SCAF11: variants seen among roughly 807,000 people sequenced by gnomAD.
SCAF11 encodes SR-related CTD associated factor 11, also known as protein SCAF11.
A neutral mutation model predicts 140.5 loss-of-function variants in SCAF11; 47 were observed. That is an observed-to-expected ratio of 0.33 (90% CI 0.26 to 0.43). The LOEUF (loss-of-function observed/expected upper bound fraction) is 0.43. Among genes scored for constraint, SCAF11 ranks in the 20% least tolerant of loss-of-function variants. The pLI is 1.00. For synonymous variants in SCAF11, 557 were observed against 579.4 expected (o/e 0.96, Z 0.55); for missense variants, 1,645 against 1,705.1 (o/e 0.96, Z 0.62).
chr12:45,960,825 C>T (rs1349203715), intron 3 of SCAF11: 1 of 152,068 alleles, frequency 6.6e-6, no homozygotes, highest in Non-Finnish European at 1.5e-5. Context: ...GCAATTAATT[C>T]CAACATATTT....
intron 2 of SCAF11, among the ~76,000 whole-genome samples, chr12:45,963,441 C>T (rs563126716): frequency 2.6e-5 from 4 of 151,522 alleles, no homozygotes; most frequent in Admixed American, 6.6e-5. Context: ...TGAGTAATAT[C>T]TTCAAAGTGC....
At chr12:45,961,453 G>A (rs1945826013) in intron 3 of SCAF11, 1 of 618,868 alleles carries the variant, frequency 1.6e-6, no homozygotes, top group East Asian at 2.8e-5. Context: ...AGTTTGATCT[G>A]TTCTTCCTAT....
At position 45,928,210 on chromosome 12, in the gene SCAF11, A is replaced by G. The variant is rs752553978; in HGVS notation, c.1491T>C (p.Asn497=). ...ACAAAACATTAGCCTCTATACCTGT[A>G]TTCTCGAGTTTTTTAACTTCCCCTT... ...GEEGEVKKLE[N]TGIEANVLCL... Residue 497 remains asparagine, a synonymous_variant, in exon 11 of 15, where the codon AAT becomes AAC. Transcript: ENST00000369367. 1.2e-6 allele frequency: 2 copies of G among 1,614,004 alleles called. No homozygotes were observed. The highest frequency in any genetic ancestry group is 8.5e-7 in the Non-Finnish European group (1 of 1,179,996).
intron 1 of SCAF11, among the ~76,000 whole-genome samples, chr12:45,971,035 C>T (rs560015152): frequency 6.6e-6 from 1 of 152,184 alleles, no homozygotes; most frequent in East Asian, 1.9e-4. Context: ...AAAGGCAAGC[C>T]AGAAATCGTC....
At chr12:45,990,720 CCT>C (rs1468233243), upstream of SCAF11, 1 of 599,514 alleles carries the variant, frequency 1.7e-6, no homozygotes, top group Non-Finnish European at 2.4e-6. Context: ...TCGCTCTGGC[CCT>C]GAGTGCATGT....
At chr12:45,970,836 A>G (rs1043914565) in intron 1 of SCAF11, among the ~76,000 whole-genome samples, 1 of 152,196 alleles carries the variant, frequency 6.6e-6, no homozygotes, top group African/African-American at 2.4e-5. Context: ...TCCTATATCA[A>G]TCCAGAAAGT....
At chr12:45,962,655 A>G (rs775788208) in intron 2 of SCAF11, among the ~76,000 whole-genome samples, 2 of 152,202 alleles carry the variant, frequency 1.3e-5, no homozygotes, top group Non-Finnish European at 2.9e-5. Flanking sequence ...AGTAATATCA[A>G]GCAAAGTTGG....
In SCAF11 at chr12:45,927,306, T is replaced by C. The variant is rs771017706; in HGVS notation, c.2395A>G (p.Thr799Ala). Residue 799 changes from threonine to alanine, a missense_variant, in exon 11 of 15, where the codon ACA becomes GCA. By Grantham distance (58) the Thr-to-Ala change is moderately conservative. This residue lies in a region of SCAF11 where 1,582 missense variants were observed against 1,609.2 expected (regional missense o/e 0.98). Coordinates refer to ENST00000369367, the MANE Select transcript of SCAF11 (RefSeq NM_004719.3). ...GTGTCTTTGTTGGGTGACCAAGTTG[T>C]AGATGGAGAATGAAATCTAGATCTT... is the stretch of plus-strand genomic sequence containing the variant. Reference protein sequence around the residue: ...TRRSRFHSPSTTWSPNKDTPQ... With the variant: ...TRRSRFHSPSATWSPNKDTPQ... The C allele has an allele frequency of 3.5e-5, 56 of 1,614,006 alleles. No individual in the cohort carries two copies. Among genetic ancestry groups the C allele is most frequent in the Non-Finnish European group, 4.7e-5 (55 of 1,180,014 alleles).
rs917016159 is a variant in SCAF11, at chr12:45,922,143, C to T, written c.4297G>A (p.Val1433Ile). Residue 1433 changes from valine (V) to isoleucine (I), a missense_variant, in exon 15 of 15, where the codon GTT (valine) becomes ATT (isoleucine). Physicochemically the swap from Val to Ile is conservative, Grantham distance 29 (BLOSUM62 3). Transcript: ENST00000369367. ...TTGTATTTGTCTACATAGGCTTTAA[C>T]CAGATTTGCCACTTTAGTAGAATTT... ...EVNSTKVANL[V>I]KAYVDKYKYS... is the part of the protein sequence containing the mutation. 2 of 1,613,226 alleles carry T rather than the reference C, an allele frequency of 1.2e-6. No individual in the cohort carries two copies. The highest frequency in any genetic ancestry group is 1.3e-5 in the African/African-American group (1 of 74,840).
rs1944722750 is a variant in SCAF11 at position 45,921,893 on chromosome 12, A to G, written c.*155T>C. ...TACAGAAGTTGCAGTGCAGACCTATATTTATTTAGAACAAAACATCATATC... is the reference window on the plus strand; with the variant it reads ...TACAGAAGTTGCAGTGCAGACCTATGTTTATTTAGAACAAAACATCATATC... On this transcript the variant is annotated 3_prime_UTR_variant, in exon 15 of 15. Transcript: ENST00000369367. 4 of 867,158 alleles carry G rather than the reference A, an allele frequency of 4.6e-6. No homozygotes were observed. Among genetic ancestry groups the G allele is most frequent in the Non-Finnish European group, 7.0e-6 (4 of 570,730 alleles). 53.7% of individuals were successfully genotyped at this position (867,158 alleles called of 1,614,324 possible).
chr12:45,972,915 T>TATCG (rs1946124977), intron 1 of SCAF11, among the ~76,000 whole-genome samples: 1 of 27,350 alleles, frequency 3.7e-5, no homozygotes, highest in Non-Finnish European at 1.1e-4. Context: ...TATAGATATA[T>TATCG]ATATAGATAT....
chr12:45,988,044 C>T (rs1410740786), intron 1 of SCAF11, among the ~76,000 whole-genome samples: 6 of 152,170 alleles, frequency 3.9e-5, no homozygotes, highest in Admixed American at 3.9e-4. Context: ...TAACTCTGGG[C>T]TCTACTCAGC....
chr12:45,930,456 GTTT>G (rs35174436), intron 10 of SCAF11, among the ~76,000 whole-genome samples: 2 of 130,680 alleles, frequency 1.5e-5, no homozygotes, highest in Admixed American at 7.8e-5. Context: ...TTTTTTTTTT[GTTT>G]TTTTTTTTTT....
chr12:45,965,565 C>G (rs1945925602), intron 1 of SCAF11, among the ~76,000 whole-genome samples: 1 of 152,170 alleles, frequency 6.6e-6, no homozygotes, highest in Non-Finnish European at 1.5e-5. Flanking sequence ...CCTCCTGCCT[C>G]CACCTCCCAA....
At chr12:45,988,707 C>T (rs1281685107) in intron 1 of SCAF11, among the ~76,000 whole-genome samples, 1 of 152,186 alleles carries the variant, frequency 6.6e-6, no homozygotes, top group Non-Finnish European at 1.5e-5. Flanking sequence ...GTCTTTAAAG[C>T]ATGAGTATAC....
At position 45,924,694 on chromosome 12, in the gene SCAF11, T is replaced by C. The variant is rs1194576077; in HGVS notation, c.3906+34A>G. On this transcript the variant is annotated intron_variant, in intron 12 of 14. Coordinates refer to ENST00000369367, the MANE Select transcript of SCAF11 (RefSeq NM_004719.3). Reference sequence around the variant, plus strand: ...TGAACAGCTAAATGTTTACAATGGCTATATTGATTAAACTTGAGTTGCTAA... The same window carrying C: ...TGAACAGCTAAATGTTTACAATGGCCATATTGATTAAACTTGAGTTGCTAA... 2.6e-6 allele frequency: 4 copies of C among 1,518,640 alleles called. No individual in the cohort carries two copies. The African/African-American group carries it at 4.1e-5, about 16-fold the overall frequency. The allele number at this position is 1,518,640 out of a possible 1,614,324, so 94.1% of individuals were successfully genotyped here.
Position 45,922,207 on chromosome 12 carries a change from G to C in SCAF11, c.4246-13C>G, listed in dbSNP as rs754816885. 278 of 1,586,852 alleles carry C rather than the reference G, an allele frequency of 1.8e-4. No individual in the cohort carries two copies. In the South Asian group the frequency reaches 3.1e-3, roughly 18 times the overall value. On this transcript the variant is annotated splice_polypyrimidine_tract_variant and intron_variant, in intron 14 of 14. Coordinates refer to ENST00000369367, the MANE Select transcript of SCAF11 (RefSeq NM_004719.3). ...TACTATGACAAACCTAAGAAAAAAG[G>C]GGTGGGGGGTAAACTTTTTTCATGC...
At chr12:45,942,905 T>C (rs1459331337) in intron 6 of SCAF11, among the ~76,000 whole-genome samples, 1 of 152,228 alleles carries the variant, frequency 6.6e-6, no homozygotes, top group Non-Finnish European at 1.5e-5. Flanking sequence ...TTGTTTTTGT[T>C]CACTACTATA....
In SCAF11 at chr12:45,920,333, T is replaced by C. The variant is rs1592157474; in HGVS notation, c.*1715A>G. On this transcript the variant is annotated 3_prime_UTR_variant, in exon 15 of 15. Coordinates refer to ENST00000369367, the MANE Select transcript of SCAF11 (RefSeq NM_004719.3). The stretch of plus-strand genomic sequence containing the variant: ...AAATTGAGAAACAGATAATCTTTAC[T>C]TTAGAAAAGCACAGTTCTACAGAGT... 6.6e-6 allele frequency: 1 copy of C among 152,192 alleles called. No homozygotes were observed. Among genetic ancestry groups the C allele is most frequent in the East Asian group, 1.9e-4 (1 of 5,204 alleles). The allele number at this position is 152,192 out of a possible 1,614,324, so 9.4% of individuals were successfully genotyped here.
Sources: gnomAD v4.1 joint callset for allele counts (sites outside exome capture counted in the v4.1 genomes callset) on GRCh38, gnomAD v4.1.1 for gene constraint, gnomAD v4.1.1 regional missense constraint, MANE v1.5 for transcripts, NCBI Gene and HGNC (gene_info 2026-07-23, HGNC 2026-07-21) for gene names.